Variants in HUNK observed in about 807,000 individuals in gnomAD.
HUNK encodes hormonally up-regulated neu tumor-associated kinase.
In HUNK, 21 loss-of-function variants were observed where a neutral mutation model predicts 61.0. The ratio of observed to expected loss-of-function variants is 0.34; its 90% confidence interval spans 0.24 to 0.50. The LOEUF is 0.50. Ranked by LOEUF, HUNK falls within the 20% of genes least tolerant of loss-of-function variation. The probability of loss-of-function intolerance (pLI) is 0.98; values close to 1 mark genes in which losing one functional copy is unlikely to be tolerated. For missense variants in HUNK, 772 were observed against 945.7 expected (o/e 0.82, Z 2.41); for synonymous variants, 371 against 386.1 (o/e 0.96, Z 0.46).
chr21:31,912,848 T>G (rs1200782967), intron 1 of HUNK, among the ~76,000 whole-genome samples: 4 of 152,148 alleles, frequency 2.6e-5, no homozygotes, highest in African/African-American at 9.7e-5. Flanking sequence ...GCACACAAGC[T>G]GAAACGGTGT....
At chr21:31,970,627 A>G (rs148654645) in intron 6 of HUNK, among the ~76,000 whole-genome samples, 3 of 152,294 alleles carry the variant, frequency 2.0e-5, no homozygotes, top group Admixed American at 6.5e-5. Context: ...CATTAAGCTC[A>G]TGTAATCACC....
chr21:31,880,059 C>T (rs370272597), intron 1 of HUNK, among the ~76,000 whole-genome samples: 2 of 152,152 alleles, frequency 1.3e-5, no homozygotes, highest in African/African-American at 4.8e-5. Context: ...GAATAGTCCC[C>T]GAGGAGGGGG....
chr21:31,971,664 T>C (rs914840647), intron 6 of HUNK, among the ~76,000 whole-genome samples: 1 of 152,154 alleles, frequency 6.6e-6, no homozygotes, highest in African/African-American at 2.4e-5. Context: ...TTTACATCAC[T>C]CTTCTATAAA....
At position 31,998,643 on chromosome 21, in the gene HUNK, C is replaced by T. The variant is rs138680254; in HGVS notation, c.1604C>T (p.Pro535Leu). The T allele has an allele frequency of 8.6e-5, 139 of 1,614,118 alleles. No homozygotes were observed. In the African/African-American group the frequency reaches 1.5e-3, roughly 18 times the overall value. ...PPRTPRIVKK[P>L]EPHQPGPGST... ...AGGACCCCGAGGATTGTGAAGAAAC[C>T]GGAGCCCCATCAGCCAGGGCCCGGA... The change falls in exon 11 of 11, where the codon CCG becomes CTG. Residue 535 changes from proline to leucine, a missense_variant. Pro to Leu is a moderately conservative substitution (Grantham distance 98, BLOSUM62 -3). Around this residue, in one of 2 missense-constraint regions of HUNK, gnomAD observed 413 missense variants for 444.4 expected, o/e 0.93. Transcript: ENST00000270112.
At chr21:31,934,754 G>A (rs1414627329) in intron 2 of HUNK, among the ~76,000 whole-genome samples, 1 of 152,110 alleles carries the variant, frequency 6.6e-6, no homozygotes, top group East Asian at 1.9e-4. Flanking sequence ...GGAAGAACAT[G>A]CAATATTTGA....
chr21:31,875,329 AGG>A (rs2052252864), intron 1 of HUNK, among the ~76,000 whole-genome samples: 1 of 152,032 alleles, frequency 6.6e-6, no homozygotes, highest in Non-Finnish European at 1.5e-5. Context: ...CTGTGAATGC[AGG>A]TCTCCGTCAC....
intron 1 of HUNK, among the ~76,000 whole-genome samples, chr21:31,915,451 C>T (rs1231071595): frequency 6.6e-6 from 1 of 152,132 alleles, no homozygotes; most frequent in Non-Finnish European, 1.5e-5. Context: ...TGTAAAAGTG[C>T]TTTGATTAAG....
intron 1 of HUNK, among the ~76,000 whole-genome samples, chr21:31,909,811 C>G (rs1224135746): frequency 6.6e-6 from 1 of 152,234 alleles, no homozygotes; most frequent in East Asian, 1.9e-4. Flanking sequence ...GAGCACGTTC[C>G]ACTCGGATGC....
chr21:31,931,068 C>CAAAAAAAAAAAA (rs10673838), intron 2 of HUNK, among the ~76,000 whole-genome samples: 1 of 75,162 alleles, frequency 1.3e-5, no homozygotes, highest in East Asian at 4.1e-4. Flanking sequence ...AAGACCTAAC[C>CAAAAAAAAAAAA]AAAAAAAAAA....
chr21:31,980,734 C>T (rs771938470), intron 7 of HUNK, among the ~76,000 whole-genome samples: 64 of 151,204 alleles, frequency 4.2e-4, no homozygotes, highest in Non-Finnish European at 8.5e-4. Flanking sequence ...GATGGAGTTT[C>T]ATTCTTGTTG....
chr21:31,998,480 A>G, intron 10 of HUNK, 46 bp from the exon 11 acceptor site: 2 of 1,500,296 alleles, frequency 1.3e-6, no homozygotes, highest in Non-Finnish European at 1.8e-6. Context: ...GGCCGTGAGC[A>G]CTGTCCGGAC....
At chr21:31,986,173 T>G (rs1271169881) in intron 8 of HUNK, among the ~76,000 whole-genome samples, 1 of 151,974 alleles carries the variant, frequency 6.6e-6, no homozygotes, top group Non-Finnish European at 1.5e-5. Context: ...GGGTCTTGAA[T>G]CTAGCACGCT....
rs1419482712 is a variant in HUNK at position 31,873,800 on chromosome 21, C to T, written c.126C>T (p.Ser42=). 2.6e-6 allele frequency: 4 copies of T among 1,560,588 alleles called. No individual in the cohort carries two copies. Among genetic ancestry groups the T allele is most frequent in the African/African-American group, 1.4e-5 (1 of 71,034 alleles). Residue 42 remains serine, a synonymous_variant, in exon 1 of 11, where the codon AGC becomes AGT. Coordinates refer to ENST00000270112, the MANE Select transcript of HUNK (RefSeq NM_014586.2). The surrounding 1 kb of genome is among the most constrained non-coding windows in gnomAD (Gnocchi z 6.1). ...CEGSFLPAWV[S]GVPRERLRDF... ...GAAGTTTCCTGCCTGCCTGGGTGAG[C>T]GGCGTGCCCCGCGAGCGGCTCCGCG...
In HUNK at chr21:32,000,540, C is replaced by T; in HGVS notation, c.*1356C>T. 2.5e-6 allele frequency: 1 copy of T among 399,224 alleles called. No homozygotes were observed. Among genetic ancestry groups the T allele is most frequent in the Non-Finnish European group, 4.4e-6 (1 of 226,214 alleles). 24.7% of individuals were successfully genotyped at this position (399,224 alleles called of 1,614,324 possible). Reference sequence around the variant, plus strand: ...ATCAGAAAAAGAAGACCCATCAGCACAGGTTGGATAGGGGTTAGTGTAGGA... The same window carrying T: ...ATCAGAAAAAGAAGACCCATCAGCATAGGTTGGATAGGGGTTAGTGTAGGA... On this transcript the variant is annotated 3_prime_UTR_variant, in exon 11 of 11. Coordinates refer to ENST00000270112, the MANE Select transcript of HUNK (RefSeq NM_014586.2).
chr21:31,980,531 C>T (rs921219238), intron 7 of HUNK, among the ~76,000 whole-genome samples: 2 of 151,804 alleles, frequency 1.3e-5, no homozygotes, highest in Non-Finnish European at 2.9e-5. Context: ...CGCCTGCCTG[C>T]CACCACACGT....
chr21:31,882,429 G>A (rs2052314824), intron 1 of HUNK, among the ~76,000 whole-genome samples: 1 of 152,192 alleles, frequency 6.6e-6, no homozygotes, highest in Non-Finnish European at 1.5e-5. Flanking sequence ...ATCTTCTCGT[G>A]AGAGGTCACT....
At chr21:31,948,404 C>A (rs1359048686) in intron 4 of HUNK, among the ~76,000 whole-genome samples, 1 of 152,200 alleles carries the variant, frequency 6.6e-6, no homozygotes, top group Non-Finnish European at 1.5e-5. Flanking sequence ...CTCTGGGCAG[C>A]CCTCTGTGTC....
At chr21:31,923,944 C>T (rs796813122) in intron 1 of HUNK, among the ~76,000 whole-genome samples, 5 of 152,008 alleles carry the variant, frequency 3.3e-5, no homozygotes, top group Admixed American at 1.3e-4. Context: ...GGAGCGGGGG[C>T]GGGCAAGGCT....
At chr21:31,909,991 C>T (rs989042196) in intron 1 of HUNK, among the ~76,000 whole-genome samples, 1 of 152,314 alleles carries the variant, frequency 6.6e-6, no homozygotes, top group African/African-American at 2.4e-5. Flanking sequence ...CTTCATTGCT[C>T]TGGGGGCTTT....
Sources: allele counts gnomAD v4.1 joint callset (sites outside exome capture counted in the v4.1 genomes callset), GRCh38; gene constraint gnomAD v4.1.1; regional missense constraint gnomAD v4.1.1; non-coding constraint Gnocchi (gnomAD v3.1); transcripts MANE v1.5; gene names NCBI Gene and HGNC (gene_info 2026-07-23, HGNC 2026-07-21).